DLC1: variants seen among roughly 807,000 people sequenced by gnomAD.
DLC1 encodes DLC1 Rho GTPase activating protein, also known as rho GTPase-activating protein 7.
A neutral mutation model predicts 140.3 loss-of-function variants in DLC1; 54 were observed. The ratio of observed to expected loss-of-function variants is 0.38; its 90% confidence interval spans 0.31 to 0.48. DLC1 has a LOEUF of 0.48. DLC1 is among the 20% of genes least tolerant of loss of function. The pLI, the probability that DLC1 is intolerant of heterozygous loss-of-function variation, is 0.96. For synonymous variants in DLC1, 986 were observed against 728.1 expected (o/e 1.35, Z -5.70); for missense variants, 2,536 against 1,907.0 (o/e 1.33, Z -6.14).
chr8:13,202,190 G>A (rs907529758), intron 5 of DLC1, among the ~76,000 whole-genome samples: 28 of 152,016 alleles, frequency 1.8e-4, no homozygotes, highest in African/African-American at 6.5e-4. Flanking sequence ...GTGATCCACC[G>A]GCCTCGGCCT....
intron 15 of DLC1, 137 bp downstream of exon 15, chr8:13,090,115 C>T: frequency 2.7e-6 from 2 of 754,530 alleles, no homozygotes; most frequent in East Asian, 2.7e-5. Context: ...ATCTTACTCA[C>T]CCCGGTGCCC....
rs770902423 is a variant in DLC1, at chr8:13,099,484, GTGTATC to G, written c.2847_2852del (p.Gln949_Ile950del). ...TGGTTCGGTCGTTGTCCACATCCAG[GTGTATC>G]TGTTTTGGAGAGGACGGGCAGGGAG... On this transcript the variant is annotated inframe_deletion, in exon 9 of 18. Transcript: ENST00000276297. 2.5e-5 allele frequency: 40 copies of G among 1,614,036 alleles called. No homozygotes were observed. Among genetic ancestry groups the G allele is most frequent in the Non-Finnish European group, 2.5e-6 (3 of 1,180,048 alleles).
intron 5 of DLC1, among the ~76,000 whole-genome samples, chr8:13,207,661 G>A (rs767306843): frequency 2.0e-5 from 3 of 152,134 alleles, no homozygotes; most frequent in East Asian, 3.9e-4. Flanking sequence ...GTTATTTAGA[G>A]TAGTGGTTCT....
chr8:13,264,085 T>TTTATTTATTTAC (rs1334119391), intron 5 of DLC1, among the ~76,000 whole-genome samples: 4 of 151,912 alleles, frequency 2.6e-5, no homozygotes, highest in Non-Finnish European at 5.9e-5. Context: ...TATTTATTTA[T>TTTATTTATTTAC]TGAGACAGAG....
chr8:13,199,060 T>C (rs1217601476), intron 5 of DLC1, among the ~76,000 whole-genome samples: 1 of 152,064 alleles, frequency 6.6e-6, no homozygotes, highest in Non-Finnish European at 1.5e-5. Flanking sequence ...CATTTGCATG[T>C]AATAGCAACT....
At chr8:13,305,492 C>A (rs1832382834) in intron 4 of DLC1, among the ~76,000 whole-genome samples, 190 bp from the exon 5 acceptor site, 2 of 152,154 alleles carry the variant, frequency 1.3e-5, no homozygotes, top group South Asian at 2.1e-4. Context: ...TCTTCTAATT[C>A]TTTTCTTTTC....
intron 2 of DLC1, among the ~76,000 whole-genome samples, chr8:13,402,399 G>C (rs1445596768): frequency 2.0e-5 from 3 of 152,150 alleles, no homozygotes; most frequent in Non-Finnish European, 1.5e-5. Context: ...TTAGTTCTAG[G>C]AATCTTCCAG....
intron 13 of DLC1, 55 bp downstream of exon 13, chr8:13,092,557 C>G: frequency 6.4e-7 from 1 of 1,572,698 alleles, no homozygotes; most frequent in Non-Finnish European, 8.6e-7. Context: ...ACGGAGAGTC[C>G]TAGGAAGAAT....
At chr8:13,237,316 A>G (rs1829331274) in intron 5 of DLC1, among the ~76,000 whole-genome samples, 1 of 148,394 alleles carries the variant, frequency 6.7e-6, no homozygotes, top group Admixed American at 6.8e-5. Context: ...ATACATATAT[A>G]TCAGCTTCTG....
At chr8:13,202,326 C>T (rs540927116) in intron 5 of DLC1, among the ~76,000 whole-genome samples, 26 of 152,232 alleles carry the variant, frequency 1.7e-4, no homozygotes, top group African/African-American at 6.3e-4. Flanking sequence ...TTACAGGGTA[C>T]AGTGTGATGT....
At chr8:13,101,454 G>A (rs757331934) in intron 8 of DLC1, among the ~76,000 whole-genome samples, 1 of 152,168 alleles carries the variant, frequency 6.6e-6, no homozygotes, top group Non-Finnish European at 1.5e-5. Context: ...GCTGTCTTTT[G>A]TTGGTGTATG....
At chr8:13,410,769 T>G (rs1837747419) in intron 2 of DLC1, among the ~76,000 whole-genome samples, 3 of 152,204 alleles carry the variant, frequency 2.0e-5, no homozygotes, top group African/African-American at 7.2e-5. Flanking sequence ...TTATGTGTAC[T>G]CTCTGTTTCC....
chr8:13,497,096 G>A (rs940628667), intron 2 of DLC1, among the ~76,000 whole-genome samples: 1 of 151,942 alleles, frequency 6.6e-6, no homozygotes, highest in Non-Finnish European at 1.5e-5. Context: ...CACCGCGCCT[G>A]GCCTAAACAA....
intron 1 of DLC1, among the ~76,000 whole-genome samples, chr8:13,525,365 A>T (rs1208672520): frequency 6.6e-6 from 1 of 152,196 alleles, no homozygotes; most frequent in African/African-American, 2.4e-5. Flanking sequence ...ACCTAGTAGT[A>T]AGTGGTAGGA....
chr8:13,338,496 A>G (rs1833897813), intron 4 of DLC1: 1 of 152,206 alleles, frequency 6.6e-6, no homozygotes, highest in African/African-American at 2.4e-5. Flanking sequence ...GTAGTGGAAC[A>G]TATTACATAT....
chr8:13,529,365 T>C (rs1055538176), intron 1 of DLC1, among the ~76,000 whole-genome samples: 1 of 152,178 alleles, frequency 6.6e-6, no homozygotes, highest in Non-Finnish European at 1.5e-5. Flanking sequence ...TTTGAGATTG[T>C]TTTATTTTCC....
At chr8:13,407,443 A>G (rs1302679491) in intron 2 of DLC1, among the ~76,000 whole-genome samples, 2 of 152,160 alleles carry the variant, frequency 1.3e-5, no homozygotes, top group Admixed American at 6.5e-5. Flanking sequence ...GTTGGGGAGG[A>G]GGTGCAAATT....
At chr8:13,136,463 G>T (rs896476217) in intron 5 of DLC1, among the ~76,000 whole-genome samples, 9 of 152,222 alleles carry the variant, frequency 5.9e-5, no homozygotes, top group African/African-American at 2.2e-4. Context: ...TGTTAATATG[G>T]TTAACATAAT....
intron 4 of DLC1, among the ~76,000 whole-genome samples, chr8:13,368,771 A>G (rs901672933): frequency 6.6e-6 from 1 of 152,108 alleles, no homozygotes; most frequent in Admixed American, 6.6e-5. Flanking sequence ...CCAAGTAAGG[A>G]TAAGTGATAT....
Sources: allele counts gnomAD v4.1 joint callset (sites outside exome capture counted in the v4.1 genomes callset), GRCh38; gene constraint gnomAD v4.1.1; transcripts MANE v1.5; gene names NCBI Gene and HGNC (gene_info 2026-07-23, HGNC 2026-07-21).